PTPRD: variants seen among roughly 807,000 people sequenced by gnomAD.
The protein encoded by PTPRD is protein tyrosine phosphatase receptor type D.
In PTPRD, 34 loss-of-function variants were observed where a neutral mutation model predicts 214.5. The observed-to-expected ratio is 0.16, with a 90% CI of 0.12 to 0.21. PTPRD has a LOEUF of 0.21. Ranked by LOEUF, PTPRD falls within the 10% of genes least tolerant of loss-of-function variation. PTPRD has a pLI of 1.00. For synonymous variants in PTPRD, 1,128 were observed against 845.7 expected (o/e 1.33, Z -5.79); for missense variants, 2,545 against 2,398.7 (o/e 1.06, Z -1.27).
chr9:9,623,212 T>A lies in PTPRD; in HGVS notation c.-286-48431A>T, dbSNP rs146778099. On this transcript the variant is annotated intron_variant, in intron 7 of 45. Coordinates refer to ENST00000381196, the MANE Select transcript of PTPRD (RefSeq NM_002839.4). ...GATATTGTTTTTGTATTTTTCTTAC[T>A]AGCATCTCCTTTGTATGAATCAAGA... Among the ~76,000 whole-genome samples, 520 of 152,346 alleles carry A rather than the reference T, an allele frequency of 3.4e-3. 2 individuals carry two copies. Among genetic ancestry groups the A allele is most frequent in the African/African-American group, 0.012 (497 of 41,580 alleles).
intron 2 of PTPRD, among the ~76,000 whole-genome samples, chr9:10,538,285 A>T (rs889599955): frequency 2.0e-5 from 3 of 146,562 alleles, no homozygotes; most frequent in African/African-American, 7.8e-5. Context: ...TAAATAAATA[A>T]ATAAATAAAT....
At chr9:10,183,379 T>C (rs2099311916) in intron 3 of PTPRD, among the ~76,000 whole-genome samples, 2 of 152,272 alleles carry the variant, frequency 1.3e-5, no homozygotes, top group African/African-American at 2.4e-5. Context: ...TTTATATTTA[T>C]AATCCTTTGC....
intron 8 of PTPRD, among the ~76,000 whole-genome samples, chr9:9,528,820 GA>G (rs139445878): frequency 4.5e-4 from 65 of 145,046 alleles, no homozygotes; most frequent in Middle Eastern, 3.5e-3. Flanking sequence ...AGTACTGTGG[GA>G]AAAAAAAAAT....
chr9:10,155,507 G>A (rs1182352685), intron 3 of PTPRD, among the ~76,000 whole-genome samples: 1 of 152,090 alleles, frequency 6.6e-6, no homozygotes, highest in East Asian at 1.9e-4. Context: ...GATGAGAGAG[G>A]GACTCCTTGT....
At chr9:8,472,539 T>C (rs959995069) in intron 30 of PTPRD, among the ~76,000 whole-genome samples, 2 of 152,304 alleles carry the variant, frequency 1.3e-5, no homozygotes, top group Non-Finnish European at 2.9e-5. Flanking sequence ...CACTAGCCCC[T>C]GGGGGCCATC....
intron 9 of PTPRD, among the ~76,000 whole-genome samples, chr9:9,284,386 G>C (rs2133768958): frequency 6.6e-6 from 1 of 151,750 alleles, no homozygotes. Flanking sequence ...ATGGTTGTAA[G>C]TTTTATTCTT....
chr9:10,474,725 T>G (rs1171855669), intron 2 of PTPRD, among the ~76,000 whole-genome samples: 7 of 152,038 alleles, frequency 4.6e-5, no homozygotes, highest in Non-Finnish European at 1.0e-4. Context: ...ACAGACCACA[T>G]AATTTGAAGT....
intron 4 of PTPRD, among the ~76,000 whole-genome samples, chr9:9,947,092 A>C (rs1263955949): frequency 2.0e-5 from 3 of 150,424 alleles, no homozygotes; most frequent in African/African-American, 7.3e-5. Context: ...TTTTATAAAA[A>C]ATAACTTGGA....
intron 12 of PTPRD, among the ~76,000 whole-genome samples, chr9:8,714,304 TG>T (rs150108902): frequency 8.5e-6 from 1 of 117,502 alleles, no homozygotes; most frequent in African/African-American, 3.1e-5. Flanking sequence ...AACAGCTTAT[TG>T]GGTTTTTTTT....
At chr9:9,584,408 G>A (rs572966674) in intron 7 of PTPRD, among the ~76,000 whole-genome samples, 1 of 144,036 alleles carries the variant, frequency 6.9e-6, no homozygotes, top group Non-Finnish European at 1.5e-5. Context: ...AGACCTCTAT[G>A]TTGCTCATGT....
At chr9:10,508,557 C>T (rs2046869400) in intron 2 of PTPRD, among the ~76,000 whole-genome samples, 1 of 152,056 alleles carries the variant, frequency 6.6e-6, no homozygotes, top group South Asian at 2.1e-4. Context: ...AAATGGCCAT[C>T]AATAATAGAA....
intron 7 of PTPRD, among the ~76,000 whole-genome samples, chr9:9,655,349 C>CTTG (rs1367442169): frequency 3.3e-5 from 5 of 152,146 alleles, no homozygotes; most frequent in Non-Finnish European, 7.3e-5. Context: ...GTGGGCAGAT[C>CTTG]ACCTGAGGTC....
chr9:10,231,336 G>GA (rs75311795), intron 3 of PTPRD, among the ~76,000 whole-genome samples: 53 of 146,584 alleles, frequency 3.6e-4, no homozygotes, highest in East Asian at 8.0e-4. Flanking sequence ...AGAGAACAAA[G>GA]AAAAAAAAAA....
intron 2 of PTPRD, among the ~76,000 whole-genome samples, chr9:10,521,001 G>T (rs1392894219): frequency 2.0e-5 from 3 of 151,706 alleles, no homozygotes; most frequent in Admixed American, 6.6e-5. Context: ...TATGGATCAA[G>T]GAGTAAATTT....
chr9:9,387,521 G>A (rs2140677543), intron 9 of PTPRD, among the ~76,000 whole-genome samples: 1 of 152,168 alleles, frequency 6.6e-6, no homozygotes, highest in African/African-American at 2.4e-5. Context: ...TGGTTTCACT[G>A]AATATAGGAT....
At chr9:8,688,394 G>C (rs565383536) in intron 12 of PTPRD, among the ~76,000 whole-genome samples, 1 of 151,738 alleles carries the variant, frequency 6.6e-6, no homozygotes, top group Non-Finnish European at 1.5e-5. Flanking sequence ...GTGAAACCCC[G>C]TCTCTACTAA....
At chr9:10,426,849 C>T (rs150050112) in intron 2 of PTPRD, among the ~76,000 whole-genome samples, 1 of 152,040 alleles carries the variant, frequency 6.6e-6, no homozygotes, top group Admixed American at 6.6e-5. Context: ...GCTCTTGTGT[C>T]CACAGGTTGG....
At chr9:8,741,423 A>G (rs1654592234) in intron 11 of PTPRD, among the ~76,000 whole-genome samples, 1 of 152,088 alleles carries the variant, frequency 6.6e-6, no homozygotes, top group Admixed American at 6.6e-5. Context: ...TGCCGTTGGA[A>G]CTCTAATATT....
At chr9:8,692,259 CATTA>C (rs1213374450) in intron 12 of PTPRD, among the ~76,000 whole-genome samples, 2 of 152,220 alleles carry the variant, frequency 1.3e-5, no homozygotes, top group Non-Finnish European at 1.5e-5. Flanking sequence ...AACACAATAA[CATTA>C]ATTGTTTCAT....
Sources: gnomAD v4.1 joint callset for allele counts (sites outside exome capture counted in the v4.1 genomes callset) on GRCh38, gnomAD v4.1.1 for gene constraint, MANE v1.5 for transcripts, NCBI Gene and HGNC (gene_info 2026-07-23, HGNC 2026-07-21) for gene names.